The following KCNAB1 variants were observed in gnomAD, a reference collection of about 807,000 sequenced individuals.
The protein encoded by KCNAB1 is voltage-gated potassium channel subunit beta-1.
KCNAB1 carries 35 observed loss-of-function variants against 64.6 expected under a neutral mutation model. The observed-to-expected ratio is 0.54, with a 90% CI of 0.41 to 0.72. The LOEUF (loss-of-function observed/expected upper bound fraction) is 0.72. KCNAB1 is among the 30% of genes least tolerant of loss of function. KCNAB1 has a pLI of 0.00. For missense variants in KCNAB1, 401 were observed against 512.9 expected (o/e 0.78, Z 2.11); for synonymous variants, 177 against 183.8 (o/e 0.96, Z 0.30).
intron 1 of KCNAB1, among the ~76,000 whole-genome samples, chr3:156,358,124 A>T (rs1576768988): frequency 1.3e-5 from 2 of 152,214 alleles, no homozygotes; most frequent in African/African-American, 4.8e-5. Context: ...TAGCTACCTC[A>T]TTAGAAGCAC....
At chr3:156,154,897 C>T (rs1483924605) in intron 1 of KCNAB1, among the ~76,000 whole-genome samples, 1 of 152,108 alleles carries the variant, frequency 6.6e-6, no homozygotes, top group Admixed American at 6.6e-5. Flanking sequence ...TTCTTTCTGC[C>T]CCTTCTTCAC....
intron 1 of KCNAB1, among the ~76,000 whole-genome samples, chr3:156,184,220 G>C (rs1037043863): frequency 2.6e-5 from 4 of 152,278 alleles, no homozygotes; most frequent in Middle Eastern, 3.4e-3. Context: ...GTGAAAGATG[G>C]TTATTCCTTC....
chr3:156,514,221 ATGT>A (rs1717406943), intron 8 of KCNAB1, 140 bp from the exon 9 acceptor site: 2 of 617,054 alleles, frequency 3.2e-6, no homozygotes, highest in Non-Finnish European at 2.9e-6. Flanking sequence ...TCAGACTATA[ATGT>A]TGTCACCAAT....
At chr3:156,534,568 G>C (rs1284734940) in intron 13 of KCNAB1, among the ~76,000 whole-genome samples, 1 of 152,162 alleles carries the variant, frequency 6.6e-6, no homozygotes, top group Non-Finnish European at 1.5e-5. Context: ...TCTGAATCTT[G>C]AGCCGCTCTC....
chr3:156,146,362 T>G (rs543344057), intron 1 of KCNAB1, among the ~76,000 whole-genome samples: 8 of 152,074 alleles, frequency 5.3e-5, no homozygotes, highest in Non-Finnish European at 1.2e-4. Context: ...AGGCTGAAAA[T>G]TAATTGTCTT....
At chr3:156,437,250 C>G (rs541475567) in intron 2 of KCNAB1, among the ~76,000 whole-genome samples, 2 of 152,248 alleles carry the variant, frequency 1.3e-5, no homozygotes, top group African/African-American at 4.8e-5. Context: ...AGTGGATTTT[C>G]AGTTACCTCT....
At chr3:156,521,648 T>C (rs960032989) in intron 11 of KCNAB1, among the ~76,000 whole-genome samples, 2 of 152,222 alleles carry the variant, frequency 1.3e-5, no homozygotes, top group Non-Finnish European at 2.9e-5. Context: ...GCAGGGTTTA[T>C]TACTGCCACA....
chr3:156,434,231 C>T (rs1716430200), intron 2 of KCNAB1, among the ~76,000 whole-genome samples: 1 of 152,164 alleles, frequency 6.6e-6, no homozygotes, highest in Non-Finnish European at 1.5e-5. Context: ...TGGCCAGATA[C>T]ATTTTAGTCA....
intron 1 of KCNAB1, among the ~76,000 whole-genome samples, chr3:156,368,641 T>C (rs1194615246): frequency 6.6e-6 from 1 of 152,226 alleles, no homozygotes. Context: ...TCAATGTGCC[T>C]GGGATATAAC....
At chr3:156,215,083 C>A (rs1715234384) in intron 1 of KCNAB1, among the ~76,000 whole-genome samples, 1 of 152,206 alleles carries the variant, frequency 6.6e-6, no homozygotes, top group Non-Finnish European at 1.5e-5. Context: ...GTGCCTACTT[C>A]ATGACAGGCT....
At position 156,508,409 on chromosome 3, in the gene KCNAB1, A is replaced by G. The variant is rs749322693; in HGVS notation, c.659-5955A>G. Among the ~76,000 whole-genome samples the G allele has an allele frequency of 1.1e-4, 16 of 152,240 alleles. No individual in the cohort carries two copies. The highest frequency in any genetic ancestry group is 2.4e-4 in the Non-Finnish European group (16 of 68,038). On this transcript the variant is annotated intron_variant, in intron 8 of 13. Transcript: ENST00000490337. The surrounding 1 kb of genome is among the most constrained non-coding windows in gnomAD (Gnocchi z 4.1). ...GTTCTAGGGAACATTTTGCAGGAAA[A>G]AAAGTTTAATGTGAGCTACCACTTT...
chr3:156,311,759 C>T (rs905759582), intron 1 of KCNAB1, among the ~76,000 whole-genome samples: 1 of 152,268 alleles, frequency 6.6e-6, no homozygotes, highest in South Asian at 2.1e-4. Flanking sequence ...GGAAGTTATT[C>T]CAAACCTCTG....
At chr3:156,189,190 C>T (rs957665662) in intron 1 of KCNAB1, among the ~76,000 whole-genome samples, 2 of 152,226 alleles carry the variant, frequency 1.3e-5, no homozygotes, top group African/African-American at 4.8e-5. Context: ...TATAATCCCT[C>T]TTTTTGGTTA....
chr3:156,361,693 G>A (rs1301144898), intron 1 of KCNAB1, among the ~76,000 whole-genome samples: 1 of 152,052 alleles, frequency 6.6e-6, no homozygotes, highest in African/African-American at 2.4e-5. Flanking sequence ...AGGCTGGAGT[G>A]CAGCCTAAGC....
intron 1 of KCNAB1, among the ~76,000 whole-genome samples, chr3:156,135,330 C>T (rs1714278384): frequency 1.3e-5 from 2 of 151,920 alleles, no homozygotes; most frequent in African/African-American, 4.8e-5. Flanking sequence ...TTTTTTTTCC[C>T]CAGAGGAAAA....
intron 1 of KCNAB1, among the ~76,000 whole-genome samples, chr3:156,361,825 AT>A (rs937856610): frequency 1.2e-4 from 19 of 152,140 alleles, no homozygotes; most frequent in South Asian, 1.0e-3. Context: ...CACCCAGCCA[AT>A]TTTTAAAATT....
At chr3:156,538,851 C>CATT (rs1719260272), downstream of KCNAB1, 2 of 152,148 alleles carry the variant, frequency 1.3e-5, no homozygotes, top group South Asian at 4.1e-4. Context: ...CTGAAGATAC[C>CATT]ATTTCTCACT....
chr3:156,354,723 C>CAA (rs11320799), intron 1 of KCNAB1, among the ~76,000 whole-genome samples: 4 of 117,888 alleles, frequency 3.4e-5, no homozygotes, highest in South Asian at 2.8e-4. Flanking sequence ...ATCTCCCCTC[C>CAA]AAAAAAAAAA....
intron 1 of KCNAB1, among the ~76,000 whole-genome samples, chr3:156,359,368 C>T (rs1028698786): frequency 8.5e-5 from 13 of 152,154 alleles, no homozygotes; most frequent in East Asian, 3.8e-4. Flanking sequence ...AGAGGCCAAA[C>T]GTCCATGAGT....
Sources: gnomAD v4.1 joint callset for allele counts (sites outside exome capture counted in the v4.1 genomes callset) on GRCh38, gnomAD v4.1.1 for gene constraint, Gnocchi (gnomAD v3.1) non-coding constraint, MANE v1.5 for transcripts, NCBI Gene and HGNC (gene_info 2026-07-23, HGNC 2026-07-21) for gene names.